The following NR2F1-AS1 variants were observed in gnomAD, a reference collection of about 807,000 sequenced individuals.
NR2F1-AS1 encodes NR2F1 antisense RNA 1.
At chr5:93,470,665 A>C (rs2149869987) in intron 4 of NR2F1-AS1, among the ~76,000 whole-genome samples, 1 of 151,974 alleles carries the variant, frequency 6.6e-6, no homozygotes, top group South Asian at 2.1e-4. Flanking sequence ...TCCTAGTAAC[A>C]TGCCTGTGTC....
chr5:93,563,141 T>C (rs1752533127), intron 2 of NR2F1-AS1, among the ~76,000 whole-genome samples: 1 of 152,240 alleles, frequency 6.6e-6, no homozygotes, highest in African/African-American at 2.4e-5. Context: ...GGTGTATATA[T>C]TTAAGCCCCT....
intron 4 of NR2F1-AS1, among the ~76,000 whole-genome samples, chr5:93,437,977 T>C (rs535069342): frequency 1.4e-4 from 22 of 152,328 alleles, no homozygotes; most frequent in African/African-American, 5.3e-4. Context: ...TATTTGTCTC[T>C]GAGTAAAGAC....
intron 4 of NR2F1-AS1, among the ~76,000 whole-genome samples, chr5:93,423,959 C>T (rs1749143315): frequency 6.6e-6 from 1 of 152,138 alleles, no homozygotes; most frequent in Non-Finnish European, 1.5e-5. Context: ...ATTAAACCCA[C>T]AAGGATTGAG....
At chr5:93,442,779 G>T (rs1749602660) in intron 4 of NR2F1-AS1, among the ~76,000 whole-genome samples, 1 of 152,190 alleles carries the variant, frequency 6.6e-6, no homozygotes, top group Non-Finnish European at 1.5e-5. Flanking sequence ...GCCTAACTGG[G>T]AGACACCTCC....
chr5:93,461,424 C>T (rs905906041), intron 4 of NR2F1-AS1, among the ~76,000 whole-genome samples: 1 of 152,082 alleles, frequency 6.6e-6, no homozygotes, highest in Admixed American at 6.6e-5. Context: ...GTGCAGCAAA[C>T]CACCATGGCA....
At chr5:93,457,387 C>T (rs1236782355) in intron 4 of NR2F1-AS1, among the ~76,000 whole-genome samples, 1 of 152,182 alleles carries the variant, frequency 6.6e-6, no homozygotes, top group Non-Finnish European at 1.5e-5. Context: ...TCCTGCATAG[C>T]CCTAAATCCA....
At chr5:93,536,426 G>GA (rs201041610) in intron 4 of NR2F1-AS1, among the ~76,000 whole-genome samples, 12 of 150,990 alleles carry the variant, frequency 7.9e-5, no homozygotes, top group African/African-American at 2.4e-4. Flanking sequence ...CATGGAAATA[G>GA]AAAAAAAAAT....
At chr5:93,423,228 C>T (rs1749125161) in intron 4 of NR2F1-AS1, 1 of 152,132 alleles carries the variant, frequency 6.6e-6, no homozygotes, top group Non-Finnish European at 1.5e-5. Context: ...CTGTCCTGAT[C>T]CGGGGCCTCT....
intron 4 of NR2F1-AS1, among the ~76,000 whole-genome samples, chr5:93,424,049 C>T (rs1041605743): frequency 3.3e-4 from 50 of 152,270 alleles, no homozygotes; most frequent in African/African-American, 1.2e-3. Flanking sequence ...AGAATCATTA[C>T]ATATGTGAAC....
upstream of NR2F1-AS1, chr5:93,583,476 CCTT>C (rs1244448070): frequency 2.0e-5 from 3 of 151,932 alleles, no homozygotes; most frequent in Admixed American, 1.3e-4. Context: ...TCTCCCTCCT[CCTT>C]GTCTCTTTTA....
At chr5:93,416,389 T>C (rs1337932734) in intron 4 of NR2F1-AS1, among the ~76,000 whole-genome samples, 1 of 152,218 alleles carries the variant, frequency 6.6e-6, no homozygotes, top group Non-Finnish European at 1.5e-5. Flanking sequence ...CCATTTTTCC[T>C]TCTCTATAAT....
intron 1 of NR2F1-AS1, among the ~76,000 whole-genome samples, chr5:93,572,828 A>C (rs185352182): frequency 7.7e-4 from 117 of 152,392 alleles, no homozygotes; most frequent in African/African-American, 2.7e-3. Flanking sequence ...TTAAGAGCTC[A>C]AATGAGCTGC....
At chr5:93,522,996 G>A (rs1381227304) in intron 4 of NR2F1-AS1, among the ~76,000 whole-genome samples, 1 of 151,844 alleles carries the variant, frequency 6.6e-6, no homozygotes, top group Non-Finnish European at 1.5e-5. Context: ...ACCAGTGAGA[G>A]AGAACTGTTC....
At chr5:93,466,917 G>GA (rs1491031705) in intron 4 of NR2F1-AS1, among the ~76,000 whole-genome samples, 1 of 114,910 alleles carries the variant, frequency 8.7e-6, no homozygotes, top group Non-Finnish European at 1.9e-5. Context: ...GGGGGGGGGG[G>GA]GTGGACGGAG....
At chr5:93,469,690 A>T (rs1388820580) in intron 4 of NR2F1-AS1, among the ~76,000 whole-genome samples, 1 of 152,100 alleles carries the variant, frequency 6.6e-6, no homozygotes, top group Non-Finnish European at 1.5e-5. Context: ...ATGTTGAATC[A>T]ATAGATACTT....
At chr5:93,581,761 C>G (rs1478302848), upstream of NR2F1-AS1, among the ~76,000 whole-genome samples, 59 of 17,842 alleles carry the variant, frequency 3.3e-3, 2 homozygotes, top group African/African-American at 0.012. Context: ...TCTCCCTCTC[C>G]TCTCTCCCTC....
At chr5:93,559,410 C>T (rs1752436228) in intron 2 of NR2F1-AS1, among the ~76,000 whole-genome samples, 1 of 152,214 alleles carries the variant, frequency 6.6e-6, no homozygotes, top group Non-Finnish European at 1.5e-5. Context: ...AGACCACTCA[C>T]AATTTCTCTA....
At chr5:93,547,466 A>T (rs566519024) in intron 4 of NR2F1-AS1, among the ~76,000 whole-genome samples, 21 of 152,330 alleles carry the variant, frequency 1.4e-4, no homozygotes, top group South Asian at 6.2e-4. Flanking sequence ...TCTCAGAATC[A>T]AAACCAAATA....
At chr5:93,503,959 C>G (rs1202549611) in intron 4 of NR2F1-AS1, among the ~76,000 whole-genome samples, 1 of 152,092 alleles carries the variant, frequency 6.6e-6, no homozygotes, top group East Asian at 1.9e-4. Context: ...GTCACTGAAT[C>G]TGGGGGTTGT....
Sources: gnomAD v4.1 joint callset for allele counts (sites outside exome capture counted in the v4.1 genomes callset) on GRCh38, gnomAD v4.1.1 for gene constraint, MANE v1.5 for transcripts, NCBI Gene and HGNC (gene_info 2026-07-23, HGNC 2026-07-21) for gene names.